The following ATP10B variants were observed in gnomAD, a reference collection of about 807,000 sequenced individuals.
The protein encoded by ATP10B is ATPase phospholipid transporting 10B (putative).
In ATP10B, 122 loss-of-function variants were observed where a neutral mutation model predicts 141.2. That is an observed-to-expected ratio of 0.86 (90% CI 0.75 to 1.00). The LOEUF (loss-of-function observed/expected upper bound fraction) is 1.00, where lower values mean the gene tolerates loss of function less well. Ranked by LOEUF, ATP10B falls within the 50% of genes least tolerant of loss-of-function variation. ATP10B has a pLI of 0.00. For synonymous variants in ATP10B, 685 were observed against 692.0 expected (o/e 0.99, Z 0.16); for missense variants, 1,876 against 1,825.3 (o/e 1.03, Z -0.51).
At chr5:160,839,733 A>T (rs752843196) in intron 1 of ATP10B, among the ~76,000 whole-genome samples, 1 of 152,160 alleles carries the variant, frequency 6.6e-6, no homozygotes, top group East Asian at 1.9e-4. Context: ...TATAAGAGAC[A>T]TATCTAAAAT....
intron 2 of ATP10B, among the ~76,000 whole-genome samples, chr5:160,734,674 GAAC>G: frequency 6.6e-6 from 1 of 151,884 alleles, no homozygotes; most frequent in Non-Finnish European, 1.5e-5. Context: ...AGGAAAAGAG[GAAC>G]AACAACTACT....
At chr5:160,807,612 A>G (rs554823986) in intron 1 of ATP10B, among the ~76,000 whole-genome samples, 2 of 152,344 alleles carry the variant, frequency 1.3e-5, no homozygotes, top group Admixed American at 6.5e-5. Flanking sequence ...AATAGAATGG[A>G]AAATTGAGAA....
At chr5:160,722,687 T>C (rs1199153172) in intron 2 of ATP10B, among the ~76,000 whole-genome samples, 1 of 152,186 alleles carries the variant, frequency 6.6e-6, no homozygotes, top group Non-Finnish European at 1.5e-5. Context: ...GCATCTGCCA[T>C]CACTGGGAAC....
chr5:160,887,491 A>G, the ATP10B span, among the ~76,000 whole-genome samples: 3 of 152,288 alleles, frequency 2.0e-5, no homozygotes, highest in African/African-American at 7.2e-5. Flanking sequence ...TGACTAAAAC[A>G]CAAGTGAGAC....
intron 1 of ATP10B, among the ~76,000 whole-genome samples, chr5:160,791,425 G>A (rs2127908949): frequency 6.6e-6 from 1 of 152,210 alleles, no homozygotes; most frequent in African/African-American, 2.4e-5. Context: ...ATTAAACATG[G>A]CAGAAAACCC....
chr5:160,604,022 T>C lies in ATP10B; in HGVS notation c.3180A>G (p.Val1060=). 1 of 1,613,988 alleles carries C rather than the reference T, an allele frequency of 6.2e-7. No individual in the cohort carries two copies. The highest frequency in any genetic ancestry group is 8.5e-7 in the Non-Finnish European group (1 of 1,179,958). The change falls in exon 20 of 26, where the codon GTA becomes GTG. Residue 1060 remains valine (V), a synonymous_variant. Coordinates refer to ENST00000327245, the MANE Select transcript of ATP10B (RefSeq NM_025153.3). The stretch of plus-strand genomic sequence containing the variant: ...CAATATCAGCAGCTTGAATCATGCT[T>C]ACATCATTTGCTCCATCACCTGAAA... The part of the protein sequence containing the change: ...TLSIGDGAND[V]SMIQAADIGI...
intron 22 of ATP10B, among the ~76,000 whole-genome samples, chr5:160,594,035 G>A (rs961737191): frequency 6.6e-6 from 1 of 152,130 alleles, no homozygotes; most frequent in African/African-American, 2.4e-5. Context: ...GAAATACAGA[G>A]AATGCCACAA....
chr5:160,874,562 G>A, the ATP10B span, among the ~76,000 whole-genome samples: 90,389 of 151,840 alleles, frequency 0.6, 29,142 homozygotes, highest in East Asian at 0.85. Flanking sequence ...GAGAGAAGAA[G>A]GCTTCAGATG....
chr5:160,759,119 T>A (rs1186435229), intron 2 of ATP10B, among the ~76,000 whole-genome samples: 2 of 152,234 alleles, frequency 1.3e-5, no homozygotes, highest in African/African-American at 4.8e-5. Flanking sequence ...GATTTAAGAA[T>A]CTGGAAAAGA....
At position 160,598,812 on chromosome 5, in the gene ATP10B, G is replaced by A. The variant is rs372351351; in HGVS notation, c.3522C>T (p.Leu1174=). 1.2e-6 allele frequency: 2 copies of A among 1,614,180 alleles called. No individual in the cohort carries two copies. Among genetic ancestry groups the A allele is most frequent in the African/African-American group, 1.3e-5 (1 of 75,058 alleles). ...VLDKDISAET[L]LALPELYKSG... is the part of the protein sequence containing the mutation. ...TCTTGTATAGCTCAGGCAATGCCAG[G>A]AGTGTTTCTGCAGAGATGTCTTTGT... The change falls in exon 22 of 26, where the codon CTC becomes CTT. Residue 1174 remains leucine (L), a synonymous_variant. Coordinates refer to ENST00000327245, the MANE Select transcript of ATP10B (RefSeq NM_025153.3).
In ATP10B at chr5:160,706,943, A is replaced by ATATTTATT. The variant is rs551509241; in HGVS notation, c.-205+9958_-205+9965dup. Among the ~76,000 whole-genome samples, 638 of 151,740 alleles carry ATATTTATT rather than the reference A, an allele frequency of 4.2e-3. 1 individual carries two copies. The highest frequency in any genetic ancestry group is 0.015 in the African/African-American group (610 of 41,318). On this transcript the variant is annotated intron_variant, in intron 3 of 25. Coordinates refer to ENST00000327245, the MANE Select transcript of ATP10B (RefSeq NM_025153.3). ...ATTTGTGGACTGTTGGTTTGTTTTA[A>ATATTTATT]TATTTATTTATTTATTTATTTATTT...
chr5:160,582,556 C>T (rs1285320214), intron 24 of ATP10B, among the ~76,000 whole-genome samples: 1 of 152,174 alleles, frequency 6.6e-6, no homozygotes, highest in Non-Finnish European at 1.5e-5. Flanking sequence ...CGACCTTTCT[C>T]TCTGGTTGCC....
intron 3 of ATP10B, among the ~76,000 whole-genome samples, chr5:160,696,298 C>T (rs1202838479): frequency 6.6e-6 from 1 of 151,872 alleles, no homozygotes; most frequent in Non-Finnish European, 1.5e-5. Flanking sequence ...TTTGTAGAGA[C>T]ACGGTTTCCC....
intron 7 of ATP10B, among the ~76,000 whole-genome samples, chr5:160,669,109 T>G (rs558112235): frequency 1.3e-5 from 2 of 152,228 alleles, no homozygotes; most frequent in African/African-American, 4.8e-5. Flanking sequence ...AGTGATAAAA[T>G]TGTACTCTTT....
intron 23 of ATP10B, among the ~76,000 whole-genome samples, chr5:160,590,771 G>T (rs1756234994): frequency 6.6e-6 from 1 of 152,198 alleles, no homozygotes; most frequent in Non-Finnish European, 1.5e-5. Context: ...TGGAGAACAT[G>T]CTCACAAGGT....
intron 22 of ATP10B, 120 bp downstream of exon 22, chr5:160,598,650 A>T: frequency 2.4e-6 from 2 of 845,796 alleles, no homozygotes; most frequent in Non-Finnish European, 3.8e-6. Flanking sequence ...ATGATGGAAC[A>T]GTGGTCAGAA....
chr5:160,912,933 A>G, the ATP10B span, among the ~76,000 whole-genome samples: 1 of 152,194 alleles, frequency 6.6e-6, no homozygotes. Context: ...TGCAAAGAAG[A>G]GAGAATGGTG....
intron 9 of ATP10B, among the ~76,000 whole-genome samples, chr5:160,643,021 C>T (rs938562734): frequency 1.1e-5 from 1 of 88,538 alleles, no homozygotes; most frequent in East Asian, 3.8e-4. Flanking sequence ...TTTTTTGGTA[C>T]AGTGGAGATT....
chr5:160,775,861 T>C (rs770221482), intron 2 of ATP10B, among the ~76,000 whole-genome samples: 6 of 152,052 alleles, frequency 3.9e-5, no homozygotes, highest in Admixed American at 2.0e-4. Context: ...TTTGTATTTT[T>C]AGTAGAGACG....
Sources: allele counts gnomAD v4.1 joint callset (sites outside exome capture counted in the v4.1 genomes callset), GRCh38; gene constraint gnomAD v4.1.1; transcripts MANE v1.5; gene names NCBI Gene and HGNC (gene_info 2026-07-23, HGNC 2026-07-21).